Variants in GRIP1 observed in about 807,000 individuals in gnomAD.
The protein encoded by GRIP1 is glutamate receptor-interacting protein 1.
A neutral mutation model predicts 129.9 loss-of-function variants in GRIP1; 45 were observed. The ratio of observed to expected loss-of-function variants is 0.35; its 90% CI spans 0.27 to 0.44. The LOEUF (loss-of-function observed/expected upper bound fraction) is 0.44. Ranked by LOEUF, GRIP1 falls within the 20% of genes least tolerant of loss-of-function variation. The pLI, the probability that GRIP1 is intolerant of heterozygous loss-of-function variation, is 1.00. For missense variants in GRIP1, 1,196 were observed against 1,396.8 expected (o/e 0.86, Z 2.29); for synonymous variants, 530 against 520.8 (o/e 1.02, Z -0.24).
intron 23 of GRIP1, 129 bp from the exon 24 acceptor site, chr12:66,353,692 T>A (rs2054343131): frequency 1.2e-6 from 1 of 825,852 alleles, no homozygotes; most frequent in East Asian, 2.4e-5. Context: ...ATCAGTCAGC[T>A]CCCTGCACCA....
rs143354509 is a variant in GRIP1, at chr12:66,534,632, C to T, written c.418+4446G>A. On this transcript the variant is annotated intron_variant, in intron 4 of 24. Coordinates refer to ENST00000359742, the MANE Select transcript of GRIP1 (RefSeq NM_001366722.1). ...CCCCTCTTTCTTTGTCCCTCCTTCTCCGTCTTTCTCCCTCTTTCTCTCTTC... is the reference window on the plus strand; with the variant it reads ...CCCCTCTTTCTTTGTCCCTCCTTCTTCGTCTTTCTCCCTCTTTCTCTCTTC... 3.1e-3 allele frequency among the ~76,000 whole-genome samples: 475 copies of T among 152,134 alleles called. 1 individual carries two copies. Among genetic ancestry groups the T allele is most frequent in the African/African-American group, 0.01 (435 of 41,516 alleles).
At chr12:66,828,097 C>G (rs535988149) in intron 1 of GRIP1, among the ~76,000 whole-genome samples, 3 of 152,260 alleles carry the variant, frequency 2.0e-5, no homozygotes, top group Non-Finnish European at 4.4e-5. Context: ...ATACTAGTCC[C>G]AAGATGACAT....
intron 1 of GRIP1, among the ~76,000 whole-genome samples, chr12:66,938,615 C>G (rs1269449690): frequency 6.6e-6 from 1 of 152,026 alleles, no homozygotes. Flanking sequence ...TAAGAGAAGG[C>G]AGGGCCTCCA....
intron 7 of GRIP1, among the ~76,000 whole-genome samples, chr12:66,500,466 A>T (rs1352708573): frequency 6.6e-6 from 1 of 152,198 alleles, no homozygotes; most frequent in Non-Finnish European, 1.5e-5. Context: ...GTTAGACTAA[A>T]AATTGTGGTC....
intron 7 of GRIP1, among the ~76,000 whole-genome samples, chr12:66,482,553 CACA>C (rs1369418807): frequency 1.3e-5 from 2 of 152,150 alleles, no homozygotes; most frequent in African/African-American, 2.4e-5. Flanking sequence ...AATGTTTCCC[CACA>C]ACAACATCAA....
intron 1 of GRIP1, among the ~76,000 whole-genome samples, chr12:66,671,672 G>T (rs2034088491): frequency 6.6e-6 from 1 of 152,174 alleles, no homozygotes; most frequent in Non-Finnish European, 1.5e-5. Context: ...TTACAAAACA[G>T]AAGGGCTGCT....
chr12:66,553,580 AG>A (rs1241197853), intron 2 of GRIP1, among the ~76,000 whole-genome samples: 1 of 130,430 alleles, frequency 7.7e-6, no homozygotes, highest in African/African-American at 2.7e-5. Context: ...ACACAGGAAA[AG>A]CACCTTCGTA....
At chr12:66,848,046 T>A (rs1488815114) in intron 1 of GRIP1, among the ~76,000 whole-genome samples, 1 of 152,226 alleles carries the variant, frequency 6.6e-6, no homozygotes, top group Non-Finnish European at 1.5e-5. Context: ...GTCATAAGCA[T>A]TATGCTTTAT....
At chr12:66,545,758 A>G (rs917714048) in intron 2 of GRIP1, among the ~76,000 whole-genome samples, 5 of 152,218 alleles carry the variant, frequency 3.3e-5, no homozygotes, top group Non-Finnish European at 7.3e-5. Context: ...AGTCAACAGA[A>G]AAAAGCATTG....
At chr12:66,601,955 T>C (rs1819667974) in intron 1 of GRIP1, among the ~76,000 whole-genome samples, 1 of 152,122 alleles carries the variant, frequency 6.6e-6, no homozygotes, top group Non-Finnish European at 1.5e-5. Flanking sequence ...TACCTACATT[T>C]GAGACTAGAA....
chr12:66,354,260 CT>C (rs1266232087), intron 23 of GRIP1, among the ~76,000 whole-genome samples: 2 of 152,194 alleles, frequency 1.3e-5, no homozygotes, highest in Non-Finnish European at 2.9e-5. Context: ...CCAACCACAG[CT>C]GGCTAAAGCC....
In GRIP1 at chr12:66,504,622, C is replaced by T. The variant is rs181106884; in HGVS notation, c.724+10997G>A. On this transcript the variant is annotated intron_variant, in intron 7 of 24. Coordinates refer to ENST00000359742, the MANE Select transcript of GRIP1 (RefSeq NM_001366722.1). ...TCAAACTGCAAAATCCTTCTCAATG[C>T]AGTATTTCAGATGGCCACCACCAGT... Among the ~76,000 whole-genome samples, 15 of 152,224 alleles carry T rather than the reference C, an allele frequency of 9.9e-5. No homozygotes were observed. The East Asian group carries it at 2.9e-3, about 29-fold the overall frequency.
chr12:66,908,412 A>C (rs1423757545), intron 1 of GRIP1, among the ~76,000 whole-genome samples: 1 of 152,218 alleles, frequency 6.6e-6, no homozygotes, highest in African/African-American at 2.4e-5. Context: ...ACCCCTTTCT[A>C]CAGAGAGGTA....
At chr12:66,882,809 C>CCA (rs2040502649) in intron 1 of GRIP1, among the ~76,000 whole-genome samples, 2 of 152,122 alleles carry the variant, frequency 1.3e-5, no homozygotes, top group South Asian at 4.2e-4. Context: ...TCACAGTAGC[C>CCA]CTGTGGGCCA....
At chr12:66,898,504 A>C (rs558313445) in intron 1 of GRIP1, among the ~76,000 whole-genome samples, 1 of 152,224 alleles carries the variant, frequency 6.6e-6, no homozygotes, top group East Asian at 1.9e-4. Flanking sequence ...CCAATTTTCT[A>C]ACCTATTGAT....
At chr12:66,689,317 G>T (rs2034895126) in intron 1 of GRIP1, among the ~76,000 whole-genome samples, 1 of 152,192 alleles carries the variant, frequency 6.6e-6, no homozygotes, top group African/African-American at 2.4e-5. Flanking sequence ...AGCCAAGGGG[G>T]AGCCGAAGTC....
chr12:66,643,943 A>G lies in GRIP1; in HGVS notation c.55+34907T>C, dbSNP rs924895099. Among the ~76,000 whole-genome samples the G allele has an allele frequency of 2.0e-5, 3 of 152,176 alleles. No homozygotes were observed. In the East Asian group the frequency reaches 5.8e-4, roughly 29 times the overall value. On this transcript the variant is annotated intron_variant, in intron 1 of 24. Transcript: ENST00000359742. ...GTCCATTTTCACACTGCTGATAAAG[A>G]CATACCAGAGACTGGGAAGAAAAAG...
chr12:66,456,023 C>T (rs182356076), intron 10 of GRIP1, among the ~76,000 whole-genome samples, 164 bp downstream of exon 10: 71 of 152,170 alleles, frequency 4.7e-4, no homozygotes, highest in African/African-American at 1.7e-3. Flanking sequence ...ACAACAAATG[C>T]TTTCTGATGG....
At chr12:66,892,337 T>C (rs1340922242) in intron 1 of GRIP1, among the ~76,000 whole-genome samples, 2 of 152,184 alleles carry the variant, frequency 1.3e-5, no homozygotes, top group Non-Finnish European at 2.9e-5. Flanking sequence ...CCTTTGTCCC[T>C]TCAGTGTTGA....
Sources: gnomAD v4.1 joint callset for allele counts (sites outside exome capture counted in the v4.1 genomes callset) on GRCh38, gnomAD v4.1.1 for gene constraint, MANE v1.5 for transcripts, NCBI Gene and HGNC (gene_info 2026-07-23, HGNC 2026-07-21) for gene names.